Variants in ADGRV1 observed in about 807,000 individuals in gnomAD.
ADGRV1 encodes G-protein coupled receptor 98.
ADGRV1 carries 359 observed loss-of-function variants against 596.2 expected under a neutral mutation model. The ratio of observed to expected loss-of-function variants is 0.60; its 90% CI spans 0.55 to 0.66. The LOEUF (loss-of-function observed/expected upper bound fraction) is 0.66. Among genes scored for constraint, ADGRV1 ranks in the 30% least tolerant of loss-of-function variants. The probability of loss-of-function intolerance (pLI) is 0.00; values close to 1 mark genes in which losing one functional copy is unlikely to be tolerated. For missense variants in ADGRV1, 7,274 were observed against 7,575.6 expected (o/e 0.96, Z 1.48); for synonymous variants, 2,681 against 2,679.2 (o/e 1.00, Z -0.02).
chr5:90,573,835 CAT>C (rs1491115559), intron 1 of ADGRV1, among the ~76,000 whole-genome samples: 1 of 152,076 alleles, frequency 6.6e-6, no homozygotes, highest in African/African-American at 2.4e-5. Flanking sequence ...ATTGTTCATT[CAT>C]GTGTGTGTGT....
intron 59 of ADGRV1, among the ~76,000 whole-genome samples, chr5:90,768,242 C>G (rs941338894): frequency 7.2e-5 from 11 of 152,198 alleles, no homozygotes; most frequent in African/African-American, 2.7e-4. Flanking sequence ...ATTCCACTCT[C>G]TCCATCTGCT....
intron 87 of ADGRV1, among the ~76,000 whole-genome samples, chr5:91,113,682 G>T (rs534106146): frequency 1.3e-5 from 2 of 152,230 alleles, no homozygotes; most frequent in South Asian, 4.1e-4. Flanking sequence ...ACTTTGGGAG[G>T]CCGAGGTGGG....
intron 22 of ADGRV1, among the ~76,000 whole-genome samples, chr5:90,673,531 A>G (rs536289342): frequency 1.4e-3 from 212 of 152,246 alleles, no homozygotes; most frequent in Non-Finnish European, 2.6e-3. Context: ...AAACAACAGA[A>G]AGTTATTGCT....
chr5:90,889,962 A>T (rs1387783699), intron 83 of ADGRV1, among the ~76,000 whole-genome samples: 2 of 152,084 alleles, frequency 1.3e-5, no homozygotes, highest in African/African-American at 4.8e-5. Context: ...CAGCTGCAAA[A>T]CCTTTGCCCA....
At chr5:90,718,533 T>G (rs916414656) in intron 43 of ADGRV1, 2 of 152,156 alleles carry the variant, frequency 1.3e-5, no homozygotes, top group African/African-American at 4.8e-5. Flanking sequence ...TTAAAGCTAT[T>G]TTGTCTAAAA....
At chr5:90,946,929 G>A (rs146122955) in intron 83 of ADGRV1, among the ~76,000 whole-genome samples, 3,361 of 152,156 alleles carry the variant, frequency 0.022, 149 homozygotes, top group African/African-American at 0.077. Context: ...GAACATATGC[G>A]TGCATGTATC....
At chr5:90,786,312 A>G (rs1334297998) in intron 67 of ADGRV1, among the ~76,000 whole-genome samples, 4 of 152,196 alleles carry the variant, frequency 2.6e-5, no homozygotes, top group Non-Finnish European at 5.9e-5. Flanking sequence ...TGACGAGTTG[A>G]TGGGTGCAGC....
In ADGRV1 at chr5:90,703,802, C is replaced by T; in HGVS notation, c.8286+7C>T. ...ACAACTTTTCTTTCCTGAGGTAATA[C>T]TGCAAAGAAAAGTCGATCACAAATA... On this transcript the variant is annotated splice_region_variant and intron_variant, in intron 35 of 89. Transcript: ENST00000405460. 1 of 1,575,000 alleles carries T rather than the reference C, an allele frequency of 6.3e-7. No individual in the cohort carries two copies.
At chr5:90,596,864 AGT>A (rs1760745059) in intron 1 of ADGRV1, among the ~76,000 whole-genome samples, 1 of 152,146 alleles carries the variant, frequency 6.6e-6, no homozygotes, top group African/African-American at 2.4e-5. Flanking sequence ...GGAGAGGGAG[AGT>A]GAGAGCTCTG....
At chr5:91,111,777 C>T (rs748427921) in intron 87 of ADGRV1, among the ~76,000 whole-genome samples, 1 of 152,116 alleles carries the variant, frequency 6.6e-6, no homozygotes, top group Non-Finnish European at 1.5e-5. Context: ...GGCTGGGACT[C>T]TATCATTGAT....
chr5:90,984,315 A>G (rs1462974591), intron 84 of ADGRV1, among the ~76,000 whole-genome samples: 1 of 152,206 alleles, frequency 6.6e-6, no homozygotes, highest in Non-Finnish European at 1.5e-5. Context: ...TACTGTTTGA[A>G]ATATGTATGG....
intron 45 of ADGRV1, 23 bp downstream of exon 45, chr5:90,721,082 A>T (rs1420064178): frequency 6.2e-7 from 1 of 1,601,534 alleles, no homozygotes; most frequent in Non-Finnish European, 8.5e-7. Context: ...TCTTATGAGA[A>T]CAAAATTCTG....
chr5:90,837,618 C>A (rs1765087971), intron 77 of ADGRV1, among the ~76,000 whole-genome samples: 1 of 152,074 alleles, frequency 6.6e-6, no homozygotes, highest in African/African-American at 2.4e-5. Flanking sequence ...GATCCACCTG[C>A]CTTGGCCTCC....
intron 1 of ADGRV1, among the ~76,000 whole-genome samples, chr5:90,601,661 A>G (rs1427404492): frequency 6.6e-6 from 1 of 152,224 alleles, no homozygotes; most frequent in Non-Finnish European, 1.5e-5. Flanking sequence ...AGACTCAAAC[A>G]TTAACAGCCT....
intron 72 of ADGRV1, among the ~76,000 whole-genome samples, chr5:90,805,791 G>C (rs981074691): frequency 1.3e-5 from 2 of 152,128 alleles, no homozygotes; most frequent in Non-Finnish European, 2.9e-5. Context: ...TACAGCTCTT[G>C]TATGCATTTC....
At chr5:90,849,770 G>A (rs1441070971) in intron 79 of ADGRV1, among the ~76,000 whole-genome samples, 1 of 152,026 alleles carries the variant, frequency 6.6e-6, no homozygotes, top group Non-Finnish European at 1.5e-5. Flanking sequence ...TAAGAACAAG[G>A]AATAAAATAA....
Position 90,781,457 on chromosome 5 carries a change from T to C in ADGRV1, c.13110T>C (p.Asn4370=). ...GGTATGATTTTACCATTCAAGAAAA[T>C]GGACTTCAGATAGATCAACCTCCTG... ...GRGYDFTIQE[N]GLQIDQPPEI... is the part of the protein sequence containing the mutation. Residue 4370 remains asparagine, a synonymous_variant, in exon 65 of 90, where the codon AAT becomes AAC. Coordinates refer to ENST00000405460, the MANE Select transcript of ADGRV1 (RefSeq NM_032119.4). The C allele has an allele frequency of 6.2e-7, 1 of 1,607,642 alleles. No homozygotes were observed. Among genetic ancestry groups the C allele is most frequent in the African/African-American group, 1.3e-5 (1 of 74,926 alleles).
chr5:90,798,422 A>G (rs1482464910), intron 70 of ADGRV1, among the ~76,000 whole-genome samples: 2 of 152,184 alleles, frequency 1.3e-5, no homozygotes, highest in Non-Finnish European at 2.9e-5. Context: ...TCTGGAATTG[A>G]GGTAGTAATT....
chr5:90,570,364 C>G (rs1189640915), intron 1 of ADGRV1, among the ~76,000 whole-genome samples: 1 of 151,982 alleles, frequency 6.6e-6, no homozygotes, highest in African/African-American at 2.4e-5. Context: ...CTCTCTTTGT[C>G]TTTTGCTTTG....
Sources: allele counts gnomAD v4.1 joint callset (sites outside exome capture counted in the v4.1 genomes callset), GRCh38; gene constraint gnomAD v4.1.1; transcripts MANE v1.5; gene names NCBI Gene and HGNC (gene_info 2026-07-23, HGNC 2026-07-21).